TEX36: variants seen among roughly 807,000 people sequenced by gnomAD.
The protein encoded by TEX36 is testis expressed 36.
Under a neutral mutation model 13.6 loss-of-function variants are expected in TEX36, and 12 were observed. That is an observed-to-expected ratio of 0.88 (90% CI 0.56 to 1.43). The LOEUF is 1.43. Ranked by LOEUF, TEX36 falls within the 40% of genes most tolerant of loss-of-function variation. TEX36 has a pLI of 0.00. For synonymous variants in TEX36, 93 were observed against 83.0 expected (o/e 1.12, Z -0.65); for missense variants, 224 against 228.3 (o/e 0.98, Z 0.12).
intron 1 of TEX36, among the ~76,000 whole-genome samples, chr10:125,672,521 G>T (rs1847249030): frequency 1.3e-5 from 2 of 152,076 alleles, no homozygotes; most frequent in African/African-American, 4.8e-5. Context: ...CACTTCTTTT[G>T]CATTTGCCGA....
chr10:125,589,678 C>T (rs936983395), intron 3 of TEX36, among the ~76,000 whole-genome samples: 1 of 152,124 alleles, frequency 6.6e-6, no homozygotes, highest in Non-Finnish European at 1.5e-5. Context: ...GATTTCCTAA[C>T]CCTAAACTAT....
chr10:125,647,963 T>C (rs1846797433), intron 3 of TEX36, among the ~76,000 whole-genome samples: 1 of 152,116 alleles, frequency 6.6e-6, no homozygotes, highest in African/African-American at 2.4e-5. Context: ...GGGAGGGGCA[T>C]CCACCATTGC....
chr10:125,656,836 C>A (rs1442496672), intron 3 of TEX36, among the ~76,000 whole-genome samples: 2 of 152,040 alleles, frequency 1.3e-5, no homozygotes, highest in East Asian at 3.9e-4. Flanking sequence ...CAGGTAGGTT[C>A]CCTTCACTCC....
intron 3 of TEX36, among the ~76,000 whole-genome samples, chr10:125,633,640 C>T (rs1846587872): frequency 6.6e-6 from 1 of 152,124 alleles, no homozygotes; most frequent in African/African-American, 2.4e-5. Flanking sequence ...TCGTATCCTG[C>T]TTTTTTCCCA....
intron 3 of TEX36, among the ~76,000 whole-genome samples, chr10:125,615,271 T>G (rs992488194): frequency 6.6e-6 from 1 of 151,882 alleles, no homozygotes; most frequent in African/African-American, 2.4e-5. Context: ...GAATACCCTT[T>G]ATTTCCTTCT....
rs191823353 is a variant in TEX36, at chr10:125,646,259, A to G, written c.264+14762T>C. 9.5e-4 allele frequency among the ~76,000 whole-genome samples: 144 copies of G among 152,290 alleles called. No homozygotes were observed. In the Middle Eastern group the frequency reaches 0.01, roughly 11 times the overall value. ...GAGGATCACTTGAACCCCGGAGGTCAAGGTTGCAGTGAGACATGATTATGC... is the reference window on the plus strand; with the variant it reads ...GAGGATCACTTGAACCCCGGAGGTCGAGGTTGCAGTGAGACATGATTATGC... On this transcript the variant is annotated intron_variant, in intron 3 of 3. Transcript: ENST00000526819.
chr10:125,613,291 T>G (rs1471362829), intron 3 of TEX36, among the ~76,000 whole-genome samples: 1 of 138,744 alleles, frequency 7.2e-6, no homozygotes, highest in Non-Finnish European at 1.5e-5. Flanking sequence ...ATTTTTATTA[T>G]TATTATACTT....
downstream of TEX36, among the ~76,000 whole-genome samples, chr10:125,617,186 A>C (rs1213201447): frequency 7.3e-5 from 11 of 151,474 alleles, no homozygotes; most frequent in Non-Finnish European, 1.5e-4. Flanking sequence ...GTGTCTCTGC[A>C]CGTGAGATGG....
At chr10:125,660,605 G>C (rs75520947) in intron 3 of TEX36, among the ~76,000 whole-genome samples, 1 of 152,184 alleles carries the variant, frequency 6.6e-6, no homozygotes, top group Non-Finnish European at 1.5e-5. Context: ...GTAGAGAAAA[G>C]GCAACTCCAG....
chr10:125,680,755 T>A (rs1342066451), intron 1 of TEX36, among the ~76,000 whole-genome samples: 1 of 152,222 alleles, frequency 6.6e-6, no homozygotes, highest in Non-Finnish European at 1.5e-5. Flanking sequence ...CTTTTTATGC[T>A]CTTAGGTGCT....
At chr10:125,605,936 A>T (rs1296474485) in intron 3 of TEX36, among the ~76,000 whole-genome samples, 2 of 152,182 alleles carry the variant, frequency 1.3e-5, no homozygotes, top group African/African-American at 4.8e-5. Flanking sequence ...GTTACAGGGA[A>T]TCTATTCACC....
chr10:125,593,442 C>T (rs1192318134), intron 3 of TEX36, among the ~76,000 whole-genome samples: 1 of 152,206 alleles, frequency 6.6e-6, no homozygotes, highest in Non-Finnish European at 1.5e-5. Context: ...CTTTAGACAA[C>T]ATGAGTAGCT....
chr10:125,640,314 T>C (rs368887804), intron 3 of TEX36: 29 of 566,838 alleles, frequency 5.1e-5, no homozygotes, highest in Middle Eastern at 9.0e-4. Context: ...TTAATTTCTA[T>C]TGGGAGAGAG....
chr10:125,595,825 T>G (rs1326399615), intron 3 of TEX36, among the ~76,000 whole-genome samples: 5 of 152,192 alleles, frequency 3.3e-5, no homozygotes, highest in African/African-American at 1.2e-4. Flanking sequence ...GCCTAGTACA[T>G]AGCATTACCT....
At chr10:125,579,227 G>C (rs1046878547) in intron 3 of TEX36, among the ~76,000 whole-genome samples, 5 of 152,214 alleles carry the variant, frequency 3.3e-5, no homozygotes, top group Admixed American at 3.3e-4. Context: ...AAAGAGGCTT[G>C]ATTCACTGTT....
intron 3 of TEX36, among the ~76,000 whole-genome samples, chr10:125,632,626 G>A (rs376272923): frequency 3.3e-5 from 5 of 152,310 alleles, no homozygotes; most frequent in East Asian, 3.9e-4. Flanking sequence ...ATAAGAGAAA[G>A]GAAAGAGCGG....
chr10:125,640,219 T>G, intron 3 of TEX36: 5 of 985,420 alleles, frequency 5.1e-6, no homozygotes, highest in Non-Finnish European at 4.8e-6. Context: ...TAGCTCCTAT[T>G]TGGCAGGAGG....
Position 125,683,098 on chromosome 10 carries a change from A to C in TEX36, c.-109T>G, listed in dbSNP as rs1006715087. 1.3e-5 allele frequency: 16 copies of C among 1,232,388 alleles called. No individual in the cohort carries two copies. The Admixed American group carries it at 3.0e-4, about 23-fold the overall frequency. The allele number at this position is 1,232,388 out of a possible 1,614,324, so 76.3% of individuals were successfully genotyped here. A position where few individuals can be genotyped will look rare whatever the true frequency, so the allele number is the denominator to read the frequency against. ...CTTCATAAGCTCTACACGTCTGGGA[A>C]GCTCCTCCTCCTCCTTGTTCCTGAT... On this transcript the variant is annotated 5_prime_UTR_variant, in exon 1 of 4. Coordinates refer to ENST00000368821, the MANE Select transcript of TEX36 (RefSeq NM_001128202.3).
intron 3 of TEX36, among the ~76,000 whole-genome samples, chr10:125,584,242 G>A (rs1845917334): frequency 6.6e-6 from 1 of 152,246 alleles, no homozygotes; most frequent in African/African-American, 2.4e-5. Context: ...GCCCAGCAGA[G>A]CCCAGCCAAA....
Sources: gnomAD v4.1 joint callset for allele counts (sites outside exome capture counted in the v4.1 genomes callset) on GRCh38, gnomAD v4.1.1 for gene constraint, MANE v1.5 for transcripts, NCBI Gene and HGNC (gene_info 2026-07-23, HGNC 2026-07-21) for gene names.